Variants in FRAS1 observed in about 807,000 individuals in gnomAD.
The protein encoded by FRAS1 is extracellular matrix organizing protein FRAS1.
In FRAS1, 290 loss-of-function variants were observed where a neutral mutation model predicts 435.2. That is an observed-to-expected ratio of 0.67 (90% CI 0.61 to 0.73). The LOEUF is 0.73. Among genes scored for constraint, FRAS1 ranks in the 30% least tolerant of loss-of-function variants. FRAS1 has a pLI of 0.00. For synonymous variants in FRAS1, 1,800 were observed against 1,851.0 expected (o/e 0.97, Z 0.71); for missense variants, 4,860 against 5,001.5 (o/e 0.97, Z 0.85).
chr4:78,463,267 C>T (rs1719425128), intron 47 of FRAS1, among the ~76,000 whole-genome samples: 1 of 152,012 alleles, frequency 6.6e-6, no homozygotes. Flanking sequence ...TTTAAAATTT[C>T]TTTCAAATTT....
chr4:78,530,233 G>A (rs190164344), intron 70 of FRAS1, among the ~76,000 whole-genome samples: 8 of 151,894 alleles, frequency 5.3e-5, no homozygotes, highest in East Asian at 3.9e-4. Flanking sequence ...GAGGAACGAC[G>A]GTTTGAAACT....
chr4:78,475,138 G>A (rs544555292), intron 53 of FRAS1, among the ~76,000 whole-genome samples: 7 of 152,222 alleles, frequency 4.6e-5, no homozygotes, highest in African/African-American at 1.4e-4. Flanking sequence ...CTTTCTCTGT[G>A]CCCTGAAATC....
chr4:78,205,963 G>C (rs1186565354), intron 2 of FRAS1, among the ~76,000 whole-genome samples: 1 of 152,040 alleles, frequency 6.6e-6, no homozygotes, highest in Non-Finnish European at 1.5e-5. Flanking sequence ...ACTGTATGCA[G>C]AATTCTAAAG....
chr4:78,057,931 C>A lies in FRAS1; in HGVS notation c.-79C>A. On this transcript the variant is annotated 5_prime_UTR_variant, in exon 1 of 74. Transcript: ENST00000512123. This position sits in a 1 kb window ranked among gnomAD's most constrained non-coding sequence, Gnocchi z 4.2. ...ACCTTCAGTGCGCCCGGGTTCCAAGCGCCGGAGCCAGCGTTTTGGCGGAGC... is the reference window on the plus strand; with the variant it reads ...ACCTTCAGTGCGCCCGGGTTCCAAGAGCCGGAGCCAGCGTTTTGGCGGAGC... 4 of 1,401,622 alleles carry A rather than the reference C, an allele frequency of 2.9e-6. No individual in the cohort carries two copies. The highest frequency in any genetic ancestry group is 2.3e-5 in the East Asian group (1 of 43,710). The allele number at this position is 1,401,622 out of a possible 1,614,324, so 86.8% of individuals were successfully genotyped here.
intron 2 of FRAS1, chr4:78,068,632 G>A (rs2109854278): frequency 2.2e-6 from 1 of 456,206 alleles, no homozygotes. Context: ...CTGCTGAAAT[G>A]AGAGTGTGCT....
chr4:78,424,209 T>C (rs1008846974), intron 34 of FRAS1, among the ~76,000 whole-genome samples, 179 bp from the exon 35 acceptor site: 5 of 152,250 alleles, frequency 3.3e-5, no homozygotes, highest in African/African-American at 1.2e-4. Context: ...AAATTAATGT[T>C]GACACCATTA....
chr4:78,521,902 C>T (rs1721397978), intron 68 of FRAS1, among the ~76,000 whole-genome samples: 1 of 152,186 alleles, frequency 6.6e-6, no homozygotes, highest in Non-Finnish European at 1.5e-5. Context: ...ATCATGATCA[C>T]TTCTACGATA....
chr4:78,064,007 T>A (rs1739875557), intron 1 of FRAS1, among the ~76,000 whole-genome samples: 1 of 151,928 alleles, frequency 6.6e-6, no homozygotes, highest in South Asian at 2.1e-4. Flanking sequence ...TTATTTGAGA[T>A]ATATAGAATT....
chr4:78,143,483 T>A (rs1408025505), intron 2 of FRAS1, among the ~76,000 whole-genome samples: 2 of 152,202 alleles, frequency 1.3e-5, no homozygotes, highest in Admixed American at 6.5e-5. Flanking sequence ...ATCTCATTGA[T>A]GTATAGTTCA....
intron 18 of FRAS1, among the ~76,000 whole-genome samples, chr4:78,323,148 AC>A (rs1183869087): frequency 1.3e-5 from 2 of 152,242 alleles, no homozygotes; most frequent in African/African-American, 4.8e-5. Context: ...ACAAGGCAGA[AC>A]TTTGACTTCA....
chr4:78,459,430 C>T (rs1578337383), intron 47 of FRAS1, among the ~76,000 whole-genome samples: 1 of 152,238 alleles, frequency 6.6e-6, no homozygotes, highest in East Asian at 1.9e-4. Flanking sequence ...AGCAACATGG[C>T]AGAGGACAGG....
chr4:78,120,979 A>C (rs779553130), intron 2 of FRAS1, among the ~76,000 whole-genome samples: 2 of 152,214 alleles, frequency 1.3e-5, no homozygotes, highest in Non-Finnish European at 2.9e-5. Context: ...ACACAAATCA[A>C]GGAAGAGATC....
At chr4:78,525,806 G>A (rs558943816) in intron 69 of FRAS1, among the ~76,000 whole-genome samples, 59 of 152,322 alleles carry the variant, frequency 3.9e-4, no homozygotes, top group Non-Finnish European at 6.9e-4. Flanking sequence ...TGTGGGAGAC[G>A]AAATAGGAGA....
chr4:78,404,139 G>A (rs187523477), intron 30 of FRAS1, among the ~76,000 whole-genome samples: 1 of 152,192 alleles, frequency 6.6e-6, no homozygotes, highest in East Asian at 1.9e-4. Context: ...TTAACCTAAT[G>A]CATTGGCAAT....
chr4:78,400,997 TA>T, intron 30 of FRAS1, 110 bp downstream of exon 30: 1 of 930,496 alleles, frequency 1.1e-6, no homozygotes, highest in Non-Finnish European at 1.6e-6. Flanking sequence ...CTGAGCTTTC[TA>T]ATACCTTACA....
chr4:78,371,834 A>G (rs1731524345), intron 23 of FRAS1, among the ~76,000 whole-genome samples: 1 of 152,314 alleles, frequency 6.6e-6, no homozygotes, highest in South Asian at 2.1e-4. Context: ...AACAGCAACA[A>G]CTATAATATT....
At chr4:78,411,731 A>G (rs1011680050) in intron 31 of FRAS1, among the ~76,000 whole-genome samples, 8 of 152,142 alleles carry the variant, frequency 5.3e-5, no homozygotes, top group African/African-American at 1.9e-4. Flanking sequence ...TTCACTACCT[A>G]TTCAATGTTT....
At chr4:78,249,447 C>T (rs1006049779) in intron 4 of FRAS1, among the ~76,000 whole-genome samples, 1 of 150,398 alleles carries the variant, frequency 6.6e-6, no homozygotes, top group African/African-American at 2.4e-5. Flanking sequence ...CTCAGCCTCC[C>T]AAGTAGCTGG....
rs58236775 is a variant in FRAS1, at chr4:78,518,450, A to ATT, written c.10390-880_10390-879insTT. Among the ~76,000 whole-genome samples the ATT allele has an allele frequency of 1.0e-2, 691 of 69,298 alleles. 15 individuals carry two copies. Among genetic ancestry groups the ATT allele is most frequent in the African/African-American group, 0.024 (644 of 26,372 alleles). 45.5% of individuals were successfully genotyped at this position (69,298 alleles called of 152,430 possible). A position where few individuals can be genotyped will look rare whatever the true frequency, so the allele number is the denominator to read the frequency against. ...TATATATATATATATATATATATATATATTTATTTATTTATTTATTTGTGG... is the reference window on the plus strand; with the variant it reads ...TATATATATATATATATATATATATATTTATTTATTTATTTATTTATTTGTGG... On this transcript the variant is annotated intron_variant, in intron 66 of 73. Coordinates refer to ENST00000512123, the MANE Select transcript of FRAS1 (RefSeq NM_025074.7).
Sources: allele counts gnomAD v4.1 joint callset (sites outside exome capture counted in the v4.1 genomes callset), GRCh38; gene constraint gnomAD v4.1.1; non-coding constraint Gnocchi (gnomAD v3.1); transcripts MANE v1.5; gene names NCBI Gene and HGNC (gene_info 2026-07-23, HGNC 2026-07-21).